Variants in CNBD1 observed in about 807,000 individuals in gnomAD.
CNBD1 encodes cyclic nucleotide binding domain containing 1.
Under a neutral mutation model 54.4 loss-of-function variants are expected in CNBD1, and 71 were observed. The ratio of observed to expected loss-of-function variants is 1.30; its 90% CI spans 1.08 to 1.59. The LOEUF (loss-of-function observed/expected upper bound fraction) is 1.59, where lower values mean the gene tolerates loss of function less well. Among genes scored for constraint, CNBD1 ranks in the 40% most tolerant of loss-of-function variants. The pLI, the probability that CNBD1 is intolerant of heterozygous loss-of-function variation, is 0.00. For missense variants in CNBD1, 659 were observed against 518.0 expected, an observed-to-expected ratio of 1.27 and a Z score of -2.64; for synonymous variants, 182 against 170.7, an observed-to-expected ratio of 1.07 and a Z score of -0.51.
At chr8:87,405,924 T>C (rs1807643822) in intron 2 of CNBD1, among the ~76,000 whole-genome samples, 1 of 152,146 alleles carries the variant, frequency 6.6e-6, no homozygotes, top group Admixed American at 6.6e-5. Context: ...AAGCATCTGT[T>C]ATCTGATAAC....
chr8:87,363,224 T>C (rs1810558881), intron 10 of CNBD1, among the ~76,000 whole-genome samples: 1 of 152,166 alleles, frequency 6.6e-6, no homozygotes, highest in Admixed American at 6.5e-5. Context: ...ATGGTGTATA[T>C]GTGCCACATT....
intron 2 of CNBD1, among the ~76,000 whole-genome samples, chr8:87,410,947 T>A (rs1296354600): frequency 6.7e-6 from 1 of 149,868 alleles, no homozygotes; most frequent in Non-Finnish European, 1.5e-5. Context: ...AGCAAGAAAG[T>A]ATTTTTTAAT....
intron 4 of CNBD1, among the ~76,000 whole-genome samples, chr8:87,110,039 T>C (rs1421332996): frequency 6.6e-6 from 1 of 152,236 alleles, no homozygotes; most frequent in Non-Finnish European, 1.5e-5. Context: ...CCAGTGAGTC[T>C]GTGCATATTC....
chr8:87,384,012 G>A (rs759429319), downstream of CNBD1, among the ~76,000 whole-genome samples: 1 of 151,974 alleles, frequency 6.6e-6, no homozygotes, highest in Non-Finnish European at 1.5e-5. Flanking sequence ...TTGACTTGTT[G>A]AAAATAAGAT....
At position 87,184,477 on chromosome 8, in the gene CNBD1, C is replaced by T. The variant is rs938828831; in HGVS notation, c.432-21516C>T. Among the ~76,000 whole-genome samples, 54 of 152,162 alleles carry T rather than the reference C, an allele frequency of 3.5e-4. 1 individual carries two copies. The highest frequency in any genetic ancestry group is 1.2e-3 in the African/African-American group (51 of 41,428). ...ATGACAGTGCTCCTCTCCAGCCTTT[C>T]CCACGCCAAACCCTCTGGGCTTCAT... On this transcript the variant is annotated intron_variant, in intron 4 of 10. Coordinates refer to ENST00000518476, the MANE Select transcript of CNBD1 (RefSeq NM_173538.3).
Position 87,284,739 on chromosome 8 carries a change from A to G in CNBD1, c.833A>G (p.Gln278Arg). 3 of 1,604,674 alleles carry G rather than the reference A, an allele frequency of 1.9e-6. No individual in the cohort carries two copies. The highest frequency in any genetic ancestry group is 1.3e-5 in the African/African-American group (1 of 74,806). ...ATGCCTCAGAATGAATCGGAAACAC[A>G]GATGTTCTCGGTGGTGACAGAAGAC... ...EVMPQNESET[Q>R]MFSVVTEDDC... The change falls in exon 7 of 11, where the codon CAG (glutamine) becomes CGG (arginine). Residue 278 changes from glutamine to arginine, a missense_variant. Coordinates refer to ENST00000518476, the MANE Select transcript of CNBD1 (RefSeq NM_173538.3).
chr8:87,128,106 C>A (rs1563479113), intron 4 of CNBD1, among the ~76,000 whole-genome samples: 1 of 152,188 alleles, frequency 6.6e-6, no homozygotes, highest in Non-Finnish European at 1.5e-5. Flanking sequence ...ACATTTCCAG[C>A]TCCCTATCCA....
intron 6 of CNBD1, among the ~76,000 whole-genome samples, chr8:87,267,402 G>A (rs1442490295): frequency 6.6e-6 from 1 of 152,128 alleles, no homozygotes; most frequent in African/African-American, 2.4e-5. Context: ...GAGAAATTGT[G>A]AAGAAATAAA....
At chr8:87,371,047 G>A (rs1317344837) in intron 10 of CNBD1, among the ~76,000 whole-genome samples, 2 of 150,428 alleles carry the variant, frequency 1.3e-5, no homozygotes, top group Non-Finnish European at 2.9e-5. Flanking sequence ...TAGATATGCG[G>A]CGTTATTTCT....
At chr8:86,988,374 A>T (rs79311804) in intron 4 of CNBD1, among the ~76,000 whole-genome samples, 2,995 of 152,042 alleles carry the variant, frequency 0.02, 99 homozygotes, top group African/African-American at 0.069. Flanking sequence ...TCTATTAAAA[A>T]TTATTTTTAT....
intron 4 of CNBD1, among the ~76,000 whole-genome samples, chr8:86,999,284 A>G (rs1808944523): frequency 6.6e-6 from 1 of 152,200 alleles, no homozygotes; most frequent in South Asian, 2.1e-4. Flanking sequence ...GGTAGGATCT[A>G]GTGACCTGGA....
At chr8:87,067,112 G>A (rs1810670013) in intron 4 of CNBD1, among the ~76,000 whole-genome samples, 1 of 151,958 alleles carries the variant, frequency 6.6e-6, no homozygotes, top group African/African-American at 2.4e-5. Flanking sequence ...GGGTGTAGAA[G>A]CATCGCCTCT....
At chr8:87,015,144 G>A (rs28856360) in intron 4 of CNBD1, among the ~76,000 whole-genome samples, 9,775 of 152,076 alleles carry the variant, frequency 0.064, 389 homozygotes, top group Middle Eastern at 0.078. Context: ...CTAAATAATT[G>A]GTTAAAACAA....
At chr8:87,189,372 A>T (rs1426502178) in intron 4 of CNBD1, among the ~76,000 whole-genome samples, 1 of 152,168 alleles carries the variant, frequency 6.6e-6, no homozygotes, top group Non-Finnish European at 1.5e-5. Context: ...AGCGTGTTTT[A>T]TGACCCAACC....
chr8:87,083,661 T>TG lies in CNBD1; in HGVS notation c.432-122332_432-122331insG, dbSNP rs1811042562. ...TGGAGTGCGGTGGCTGGATCTCGGC[T>TG]AAGTGCAAGCTCCGCCTCCCGGGTT... On this transcript the variant is annotated intron_variant, in intron 4 of 10. Coordinates refer to ENST00000518476, the MANE Select transcript of CNBD1 (RefSeq NM_173538.3). Among the ~76,000 whole-genome samples the TG allele has an allele frequency of 2.0e-5, 3 of 148,166 alleles. No homozygotes were observed. The Admixed American group carries it at 2.1e-4, about 10-fold the overall frequency.
chr8:87,130,967 C>T (rs1331708094), intron 4 of CNBD1, among the ~76,000 whole-genome samples: 1 of 151,466 alleles, frequency 6.6e-6, no homozygotes, highest in African/African-American at 2.4e-5. Context: ...AAATGTTCTT[C>T]CTTTGCCTTA....
At chr8:87,073,092 G>C (rs189669951) in intron 4 of CNBD1, among the ~76,000 whole-genome samples, 514 of 151,416 alleles carry the variant, frequency 3.4e-3, no homozygotes, top group Non-Finnish European at 3.1e-3. Flanking sequence ...TCCTTCCTCT[G>C]CTTGTTGTAT....
intron 4 of CNBD1, among the ~76,000 whole-genome samples, chr8:86,972,269 CAT>C (rs1433274278): frequency 2.0e-5 from 3 of 152,044 alleles, no homozygotes; most frequent in Non-Finnish European, 2.9e-5. Flanking sequence ...CATTTTTAAA[CAT>C]AGTATTAAAT....
At chr8:87,070,168 T>C (rs1810731802) in intron 4 of CNBD1, among the ~76,000 whole-genome samples, 1 of 152,098 alleles carries the variant, frequency 6.6e-6, no homozygotes, top group South Asian at 2.1e-4. Context: ...TCTTCCATTG[T>C]CACTTCATGG....
Sources: allele counts gnomAD v4.1 joint callset (sites outside exome capture counted in the v4.1 genomes callset), GRCh38; gene constraint gnomAD v4.1.1; transcripts MANE v1.5; gene names NCBI Gene and HGNC (gene_info 2026-07-23, HGNC 2026-07-21).